Variants in TNFSF4 observed in about 807,000 individuals in gnomAD.
TNFSF4 encodes the protein TNF superfamily member 4.
Under a neutral mutation model 7.3 loss-of-function variants are expected in TNFSF4, and 4 were observed. That is an observed-to-expected ratio of 0.55 (90% confidence interval 0.27 to 1.25). The LOEUF (loss-of-function observed/expected upper bound fraction) is 1.25, where lower values mean the gene tolerates loss of function less well. TNFSF4 is among the 50% of genes most tolerant of loss of function. The pLI is 0.12. For synonymous variants in TNFSF4, 76 were observed against 83.7 expected (o/e 0.91, Z 0.50); for missense variants, 181 against 208.8 (o/e 0.87, Z 0.82).
chr1:173,221,553 G>A, the TNFSF4 span, among the ~76,000 whole-genome samples: 6 of 152,178 alleles, frequency 3.9e-5, no homozygotes, highest in Admixed American at 1.3e-4. Context: ...AGGCATCAAC[G>A]ATAACTTGTA....
the TNFSF4 span, among the ~76,000 whole-genome samples, chr1:173,289,021 A>G: frequency 1.3e-5 from 2 of 152,060 alleles, no homozygotes; most frequent in African/African-American, 4.8e-5. Flanking sequence ...CAGTGCAGAG[A>G]AAGAGAACCC....
upstream of TNFSF4, among the ~76,000 whole-genome samples, chr1:173,207,922 G>A (rs1381569891): frequency 2.0e-5 from 3 of 152,144 alleles, no homozygotes; most frequent in Admixed American, 6.5e-5. Context: ...TTAACCCTTT[G>A]AGGCAAATTC....
At chr1:173,247,479 T>C in the TNFSF4 span, among the ~76,000 whole-genome samples, 1 of 152,186 alleles carries the variant, frequency 6.6e-6, no homozygotes, top group Admixed American at 6.5e-5. Context: ...CCCAAGATTC[T>C]CAACTGAGGG....
the TNFSF4 span, chr1:173,351,735 G>A: frequency 6.2e-6 from 3 of 482,810 alleles, 1 homozygote; most frequent in Middle Eastern, 1.3e-3. Context: ...TGAAGTTCAG[G>A]TTGTACGAGT....
chr1:173,221,988 C>T, the TNFSF4 span, among the ~76,000 whole-genome samples: 3 of 152,144 alleles, frequency 2.0e-5, no homozygotes, highest in Admixed American at 6.5e-5. Flanking sequence ...TGAGGCAAAG[C>T]AGGCAATGTG....
the TNFSF4 span, among the ~76,000 whole-genome samples, chr1:173,317,182 C>T: frequency 6.6e-6 from 1 of 152,294 alleles, no homozygotes; most frequent in Non-Finnish European, 1.5e-5. Flanking sequence ...GTGAATTGTT[C>T]CAACTGAGCC....
the TNFSF4 span, among the ~76,000 whole-genome samples, chr1:173,437,719 T>C: frequency 2.0e-5 from 3 of 152,208 alleles, no homozygotes; most frequent in African/African-American, 7.2e-5. Flanking sequence ...CTAGGGTTCA[T>C]ATGTGGTCAC....
chr1:173,370,849 A>G, the TNFSF4 span, among the ~76,000 whole-genome samples: 2 of 152,192 alleles, frequency 1.3e-5, no homozygotes, highest in Admixed American at 6.5e-5. Context: ...TTCAGAGAGG[A>G]CAGAAAATGG....
the TNFSF4 span, among the ~76,000 whole-genome samples, chr1:173,436,523 C>T: frequency 1.3e-5 from 2 of 152,196 alleles, no homozygotes; most frequent in Non-Finnish European, 2.9e-5. Context: ...AACTCTCCTG[C>T]CTCAGCCTCC....
chr1:173,247,259 A>C, the TNFSF4 span, among the ~76,000 whole-genome samples: 2 of 152,192 alleles, frequency 1.3e-5, no homozygotes, highest in African/African-American at 4.8e-5. Flanking sequence ...TTAACATAAA[A>C]AATGAAAAAG....
At chr1:173,197,452 T>C (rs1649753474) in intron 1 of TNFSF4, among the ~76,000 whole-genome samples, 1 of 152,152 alleles carries the variant, frequency 6.6e-6, no homozygotes, top group South Asian at 2.1e-4. Context: ...CCATCAGTGA[T>C]AGACTGGAGA....
At chr1:173,446,338 T>C in the TNFSF4 span, among the ~76,000 whole-genome samples, 1 of 152,234 alleles carries the variant, frequency 6.6e-6, no homozygotes. Flanking sequence ...CCCTTGGCAT[T>C]TATTCAAATG....
At chr1:173,177,122 A>G in the TNFSF4 span, among the ~76,000 whole-genome samples, 1 of 152,216 alleles carries the variant, frequency 6.6e-6, no homozygotes, top group African/African-American at 2.4e-5. Flanking sequence ...TGAACCTAAA[A>G]TAAAAGTTTT....
chr1:173,292,528 A>C, the TNFSF4 span, among the ~76,000 whole-genome samples: 10 of 152,230 alleles, frequency 6.6e-5, no homozygotes, highest in East Asian at 1.9e-3. Flanking sequence ...CCAACATTAC[A>C]CTAAATGGGC....
At chr1:173,383,506 A>G in the TNFSF4 span, among the ~76,000 whole-genome samples, 1 of 152,224 alleles carries the variant, frequency 6.6e-6, no homozygotes, top group Non-Finnish European at 1.5e-5. Flanking sequence ...CTTGGGATTC[A>G]TTCATTCACA....
the TNFSF4 span, among the ~76,000 whole-genome samples, chr1:173,322,592 G>T: frequency 6.6e-6 from 1 of 152,172 alleles, no homozygotes; most frequent in Non-Finnish European, 1.5e-5. Context: ...GCGAGGCATT[G>T]CCTCACCTGG....
chr1:173,313,777 T>C, the TNFSF4 span, among the ~76,000 whole-genome samples: 1 of 152,102 alleles, frequency 6.6e-6, no homozygotes, highest in Admixed American at 6.6e-5. Context: ...TTTTATAAAA[T>C]GGCCAAGCTC....
intron 1 of TNFSF4, among the ~76,000 whole-genome samples, chr1:173,199,602 C>T (rs1178611665): frequency 6.6e-6 from 1 of 152,120 alleles, no homozygotes; most frequent in Admixed American, 6.5e-5. Context: ...TTCAGAGGAG[C>T]GTGGCCTTCC....
chr1:173,416,608 T>TTTTTTTTATTTATTTATTTATTTACTTA, the TNFSF4 span, among the ~76,000 whole-genome samples: 6 of 121,942 alleles, frequency 4.9e-5, no homozygotes, highest in Non-Finnish European at 1.0e-4. Flanking sequence ...ATTTTTTTAT[T>TTTTTTTTATTTATTTATTTATTTACTTA]TTTATTTATT....
Sources: allele counts gnomAD v4.1 joint callset (sites outside exome capture counted in the v4.1 genomes callset), GRCh38; gene constraint gnomAD v4.1.1; transcripts MANE v1.5; gene names NCBI Gene and HGNC (gene_info 2026-07-23, HGNC 2026-07-21).